FRMD4A: variants seen among roughly 807,000 people sequenced by gnomAD.
FRMD4A encodes the protein FERM domain-containing protein 4A.
In FRMD4A, 29 loss-of-function variants were observed where a neutral mutation model predicts 129.1. The observed-to-expected ratio is 0.22, with a 90% confidence interval of 0.17 to 0.31. The LOEUF (loss-of-function observed/expected upper bound fraction) is 0.31. FRMD4A is among the 10% of genes least tolerant of loss of function. The pLI, the probability that FRMD4A is intolerant of heterozygous loss-of-function variation, is 1.00. For synonymous variants in FRMD4A, 634 were observed against 571.6 expected (o/e 1.11, Z -1.56); for missense variants, 1,272 against 1,375.8 (o/e 0.92, Z 1.19).
intron 3 of FRMD4A, among the ~76,000 whole-genome samples, chr10:13,833,298 G>C (rs1297362381): frequency 1.3e-5 from 2 of 152,224 alleles, no homozygotes; most frequent in Admixed American, 1.3e-4. Flanking sequence ...AGGCAAGAGA[G>C]AGCTTGTGCA....
intron 2 of FRMD4A, among the ~76,000 whole-genome samples, chr10:13,901,000 C>T (rs148693110): frequency 4.5e-3 from 678 of 152,320 alleles, no homozygotes; most frequent in African/African-American, 0.011. Context: ...ACTCAGTCTT[C>T]GCAACAGCCC....
In FRMD4A at chr10:13,657,460, G is replaced by T; in HGVS notation, c.2129C>A (p.Ser710Tyr). The T allele has an allele frequency of 3.7e-6, 6 of 1,611,598 alleles. No homozygotes were observed. Among genetic ancestry groups the T allele is most frequent in the Non-Finnish European group, 4.2e-6 (5 of 1,179,878 alleles). ...GAGCTTGCCCTGGGACTCCAGGCTGGAGCTCCGGTGCCTAAAGTGCAGTGC... is the reference window on the plus strand; with the variant it reads ...GAGCTTGCCCTGGGACTCCAGGCTGTAGCTCCGGTGCCTAAAGTGCAGTGC... ...SLALHFRHRS[S>Y]SLESQGKLLG... The change falls in exon 22 of 25, where the codon TCC (serine) becomes TAC (tyrosine). Residue 710 changes from serine to tyrosine, a missense_variant. Ser to Tyr is a moderately radical substitution (Grantham distance 144). Transcript: ENST00000357447.
At chr10:13,973,371 T>C (rs181826451) in intron 2 of FRMD4A, among the ~76,000 whole-genome samples, 3 of 152,296 alleles carry the variant, frequency 2.0e-5, no homozygotes, top group African/African-American at 7.2e-5. Flanking sequence ...TATTTATTTT[T>C]GGGGGAGTTT....
chr10:13,734,285 C>G (rs1186291870), intron 12 of FRMD4A, among the ~76,000 whole-genome samples: 1 of 152,142 alleles, frequency 6.6e-6, no homozygotes, highest in Non-Finnish European at 1.5e-5. Flanking sequence ...TCAGTCTTGT[C>G]CTGGGTTTTT....
intron 9 of FRMD4A, among the ~76,000 whole-genome samples, chr10:13,741,666 G>T (rs2091013647): frequency 6.6e-6 from 1 of 152,138 alleles, no homozygotes; most frequent in African/African-American, 2.4e-5. Flanking sequence ...TTAACCAAGT[G>T]CCCACAGCCT....
At chr10:14,027,071 T>G (rs758898911) in intron 2 of FRMD4A, among the ~76,000 whole-genome samples, 2 of 152,232 alleles carry the variant, frequency 1.3e-5, no homozygotes, top group African/African-American at 2.4e-5. Context: ...GGGGTCTCCA[T>G]CCCCTCAAGC....
intron 2 of FRMD4A, among the ~76,000 whole-genome samples, chr10:14,320,261 A>G (rs1846923755): frequency 6.6e-6 from 1 of 152,160 alleles, no homozygotes; most frequent in Non-Finnish European, 1.5e-5. Flanking sequence ...GCTCCAATCC[A>G]GATGCCCCCA....
At chr10:13,969,489 C>T (rs976788895) in intron 2 of FRMD4A, among the ~76,000 whole-genome samples, 18 of 152,206 alleles carry the variant, frequency 1.2e-4, no homozygotes, top group African/African-American at 3.1e-4. Context: ...AGTATACTTA[C>T]GACATTAATG....
Position 13,714,986 on chromosome 10 carries a change from C to T in FRMD4A, c.760-7873G>A, listed in dbSNP as rs553424562. ...CCCAGGAGGCAGAGGTTGCAGTGAGCGGAGATCATGCCACTGCACTCCAGC... is the reference window on the plus strand; with the variant it reads ...CCCAGGAGGCAGAGGTTGCAGTGAGTGGAGATCATGCCACTGCACTCCAGC... On this transcript the variant is annotated intron_variant, in intron 12 of 24. Transcript: ENST00000357447. 9.9e-5 allele frequency among the ~76,000 whole-genome samples: 15 copies of T among 152,036 alleles called. No individual in the cohort carries two copies. The South Asian group carries it at 2.7e-3, about 27-fold the overall frequency.
intron 2 of FRMD4A, among the ~76,000 whole-genome samples, chr10:14,185,856 C>T (rs537260359): frequency 5.9e-5 from 9 of 152,122 alleles, no homozygotes; most frequent in Admixed American, 3.3e-4. Flanking sequence ...GCCAGGTTTC[C>T]CATAGAGTTA....
intron 2 of FRMD4A, among the ~76,000 whole-genome samples, chr10:14,123,776 A>C (rs115819102): frequency 0.011 from 1,661 of 152,252 alleles, 30 homozygotes; most frequent in African/African-American, 0.035. Flanking sequence ...AATATCCATC[A>C]CTGTTACTAA....
chr10:14,002,934 G>T (rs988942319), intron 2 of FRMD4A, among the ~76,000 whole-genome samples: 1 of 152,284 alleles, frequency 6.6e-6, no homozygotes, highest in Admixed American at 6.5e-5. Flanking sequence ...TCCACGCATG[G>T]TTGGAATATA....
chr10:13,963,837 T>A (rs2095464086), intron 2 of FRMD4A, among the ~76,000 whole-genome samples: 1 of 152,154 alleles, frequency 6.6e-6, no homozygotes, highest in Non-Finnish European at 1.5e-5. Context: ...GGCTCTGTGG[T>A]CTCCAGACAG....
At chr10:13,666,056 G>T in intron 18 of FRMD4A, 41 bp downstream of exon 18, 1 of 1,263,460 alleles carries the variant, frequency 7.9e-7, no homozygotes, top group Non-Finnish European at 1.2e-6. Flanking sequence ...GCCGGGGCCC[G>T]GGCGTGGGAG....
chr10:14,178,058 CT>C (rs1325499143), intron 2 of FRMD4A, among the ~76,000 whole-genome samples: 1 of 152,196 alleles, frequency 6.6e-6, no homozygotes, highest in African/African-American at 2.4e-5. Flanking sequence ...CCCTTACCCC[CT>C]GCCCTACGAG....
At chr10:13,730,528 C>T (rs769131499) in intron 12 of FRMD4A, among the ~76,000 whole-genome samples, 9 of 152,120 alleles carry the variant, frequency 5.9e-5, no homozygotes, top group Non-Finnish European at 1.0e-4. Context: ...TAAGACGAAA[C>T]TTGGGATTTA....
At chr10:13,743,509 T>A (rs148235321) in intron 9 of FRMD4A, among the ~76,000 whole-genome samples, 1 of 152,082 alleles carries the variant, frequency 6.6e-6, no homozygotes, top group East Asian at 1.9e-4. Context: ...CAAGTCAACA[T>A]AGCACTGTAG....
At chr10:14,250,028 C>T (rs1457093419) in intron 2 of FRMD4A, among the ~76,000 whole-genome samples, 7 of 150,870 alleles carry the variant, frequency 4.6e-5, no homozygotes, top group Admixed American at 1.3e-4. Flanking sequence ...GGTGTGATCT[C>T]GGCTCACTGC....
intron 2 of FRMD4A, among the ~76,000 whole-genome samples, chr10:13,988,200 C>T (rs1413988159): frequency 5.3e-5 from 8 of 152,162 alleles, no homozygotes; most frequent in Admixed American, 1.3e-4. Context: ...TATACACAAC[C>T]GTAAAGACTC....
Sources: allele counts gnomAD v4.1 joint callset (sites outside exome capture counted in the v4.1 genomes callset), GRCh38; gene constraint gnomAD v4.1.1; transcripts MANE v1.5; gene names NCBI Gene and HGNC (gene_info 2026-07-23, HGNC 2026-07-21).